The following IRS4 variants were observed in gnomAD, a reference collection of about 807,000 sequenced individuals.
IRS4 encodes insulin receptor substrate 4, also known as 160 kDa phosphotyrosine protein.
In IRS4, 15 loss-of-function variants were observed where a neutral mutation model predicts 48.6. That is an observed-to-expected ratio of 0.31 (90% confidence interval 0.21 to 0.48). The LOEUF (loss-of-function observed/expected upper bound fraction) is 0.48, where lower values mean the gene tolerates loss of function less well. Among genes scored for constraint, IRS4 ranks in the 20% least tolerant of loss-of-function variants. The probability of loss-of-function intolerance (pLI) is 0.99; values close to 1 mark genes in which losing one functional copy is unlikely to be tolerated. For missense variants in IRS4, 987 were observed against 1,023.4 expected, an observed-to-expected ratio of 0.96 and a Z score of 0.49; for synonymous variants, 459 against 413.2, an observed-to-expected ratio of 1.11 and a Z score of -1.34.
chrX:108,724,687 C>T (rs2068867170), intron 1 of IRS4: 1 of 111,893 alleles, frequency 8.9e-6, no homozygotes, highest in South Asian at 3.7e-4. Context: ...AAAAGTCATA[C>T]CTTAGATTTG....
Position 108,735,503 on chromosome X carries a change from C to T in IRS4, c.842G>A (p.Ser281Asn). ...EVASVVVQLL[S>N]IRRCGHSEQY... ...CTCCGAGTGTCCACAGCGACGGATGCTCAGGAGCTGGACGACCACGCTGGC... is the reference window on the plus strand; with the variant it reads ...CTCCGAGTGTCCACAGCGACGGATGTTCAGGAGCTGGACGACCACGCTGGC... Residue 281 changes from serine to asparagine, a missense_variant, in exon 1 of 2, where the codon AGC becomes AAC. Physicochemically the swap from Ser to Asn is conservative, Grantham distance 46. Coordinates refer to ENST00000372129, the MANE Select transcript of IRS4 (RefSeq NM_001379150.1). 1 of 1,211,030 alleles carries T rather than the reference C, an allele frequency of 8.3e-7. No homozygotes were observed. The highest frequency in any genetic ancestry group is 1.8e-5 in the South Asian group (1 of 56,942).
intron 1 of IRS4, chrX:108,726,916 G>T (rs1469050439): frequency 1.8e-5 from 2 of 112,192 alleles, no homozygotes; most frequent in Non-Finnish European, 3.8e-5. Context: ...TACAAGGAAG[G>T]TTGCCTCTGC....
chrX:108,734,950 A>G lies in IRS4; in HGVS notation c.1395T>C (p.Ser465=), dbSNP rs769775639. ...RLSSEVSGSG[S]GNFGEEGNPQ... ...GATTGCCTTCCTCCCCAAAGTTGCC[A>G]GAGCCAGAACCAGACACTTCAGAAG... Residue 465 remains serine (S), a synonymous_variant, in exon 1 of 2, where the codon TCT becomes TCC. Coordinates refer to ENST00000372129, the MANE Select transcript of IRS4 (RefSeq NM_001379150.1). 7.4e-6 allele frequency: 9 copies of G among 1,212,054 alleles called. No individual in the cohort carries two copies. In the Admixed American group the frequency reaches 2.0e-4, roughly 26 times the overall value.
Position 108,736,497 on chromosome X carries a change from G to T in IRS4, c.-153C>A. On this transcript the variant is annotated 5_prime_UTR_variant, in exon 1 of 2. The change creates a new upstream start codon in the 5' untranslated region. Transcript: ENST00000372129. ...CCCACTCCACTCTGAGCGCACGACA[G>T]CGGGCAAAACAACACGTGACCACAG... 5.3e-6 allele frequency: 5 copies of T among 946,392 alleles called. No homozygotes were observed. The highest frequency in any genetic ancestry group is 2.4e-5 in the South Asian group (1 of 41,882). 78.0% of individuals were successfully genotyped at this position (946,392 alleles called of 1,213,427 possible). A position where few individuals can be genotyped will look rare whatever the true frequency, so the allele number is the denominator to read the frequency against.
chrX:108,730,670 C>T (rs1047394750), intron 1 of IRS4, among the ~76,000 whole-genome samples: 1 of 111,777 alleles, frequency 8.9e-6, no homozygotes, highest in African/African-American at 3.2e-5. Flanking sequence ...GCTACAAAGT[C>T]ATAAATCAGG....
At chrX:108,732,459 T>C in intron 1 of IRS4, 120 bp downstream of exon 1, 2 of 1,151,669 alleles carry the variant, frequency 1.7e-6, no homozygotes. Flanking sequence ...CTGAATTCTA[T>C]ACTCCATGTC....
At position 108,732,930 on chromosome X, in the gene IRS4, C is replaced by A. The variant is rs757680818; in HGVS notation, c.3415G>T (p.Ala1139Ser). 2.5e-6 allele frequency: 3 copies of A among 1,183,880 alleles called. No homozygotes were observed. The highest frequency in any genetic ancestry group is 6.0e-5 in the East Asian group (2 of 33,407). ...CCGATGCCCGGGGCTGCGGCGAGCGCGGAGGCCGCAGCTACAACTTGGCTG... is the reference window on the plus strand; with the variant it reads ...CCGATGCCCGGGGCTGCGGCGAGCGAGGAGGCCGCAGCTACAACTTGGCTG... ...ALSQVVAAAS[A>S]LAAAPGIGAA... The change falls in exon 1 of 2, where the codon GCG (alanine) becomes TCG (serine). Residue 1139 changes from alanine (A) to serine (S), a missense_variant. Physicochemically the swap from Ala to Ser is moderately conservative, Grantham distance 99. Around this residue, in one of 4 missense-constraint regions of IRS4, gnomAD observed 720 missense variants for 660.3 expected, o/e 1.09. Transcript: ENST00000372129.
In IRS4 at chrX:108,736,309, T is replaced by G; in HGVS notation, c.36A>C (p.Thr12=). 8.3e-7 allele frequency: 1 copy of G among 1,211,338 alleles called. No individual in the cohort carries two copies. The highest frequency in any genetic ancestry group is 1.7e-5 in the African/African-American group (1 of 57,755). The change falls in exon 1 of 2, where the codon ACA becomes ACC. Residue 12 remains threonine (T), a synonymous_variant. Coordinates refer to ENST00000372129, the MANE Select transcript of IRS4 (RefSeq NM_001379150.1). ...CCGCTGCTGCACCTCTTAGTCTTCT[T>G]GTCGCTTGGTCGCGAGTGAAGGAGC... is the stretch of plus-strand genomic sequence containing the variant. ...ASCSFTRDQA[T]RRLRGAAAAA...
intron 1 of IRS4, chrX:108,726,305 T>C (rs1293671701): frequency 8.9e-6 from 1 of 111,935 alleles, no homozygotes; most frequent in Non-Finnish European, 1.9e-5. Context: ...TGAGGGAAGA[T>C]GTATGTGAAG....
At chrX:108,732,267 T>C (rs1212458704) in intron 1 of IRS4, among the ~76,000 whole-genome samples, 1 of 112,538 alleles carries the variant, frequency 8.9e-6, no homozygotes, top group Non-Finnish European at 1.9e-5. Flanking sequence ...CTTTACATTA[T>C]CATTAAATGA....
rs928813829 is a variant in IRS4 at position 108,732,580 on chromosome X, T to G, written c.3765A>C (p.Arg1255Ser). Residue 1255 changes from arginine to serine, a missense_variant and splice_region_variant, in exon 1 of 2, where the codon AGA becomes AGC. Physicochemically the swap from Arg to Ser is moderately radical, Grantham distance 110. This residue lies in a region of IRS4 where 720 missense variants were observed against 660.3 expected (regional missense o/e 1.09). Transcript: ENST00000372129. Reference sequence around the variant, plus strand: ...GAAATTAATTCTAAAATTACCGACCTCTTTTGGGAGAGTCGAACTGATTAT... The same window carrying G: ...GAAATTAATTCTAAAATTACCGACCGCTTTTGGGAGAGTCGAACTGATTAT... ...RRDNQFDSPK[R>S]E 1 of 1,210,667 alleles carries G rather than the reference T, an allele frequency of 8.3e-7. No individual in the cohort carries two copies. Among genetic ancestry groups the G allele is most frequent in the African/African-American group, 1.7e-5 (1 of 57,712 alleles).
chrX:108,730,888 C>T (rs950332784), intron 1 of IRS4, among the ~76,000 whole-genome samples: 3 of 112,118 alleles, frequency 2.7e-5, no homozygotes, highest in African/African-American at 9.7e-5. Context: ...AATAGTTAGA[C>T]TCAAACAATA....
chrX:108,734,478 T>C lies in IRS4; in HGVS notation c.1867A>G (p.Lys623Glu). Residue 623 changes from lysine (K) to glutamate (E), a missense_variant, in exon 1 of 2, where the codon AAG becomes GAG. By Grantham distance (56) the Lys-to-Glu change is moderately conservative. Coordinates refer to ENST00000372129, the MANE Select transcript of IRS4 (RefSeq NM_001379150.1). ...GGAGGTGGTGGCATTTGCTGTTGCT[T>C]GCTTTGAGTTAATTTGCCAAAATAG... ...RSYFGKLTQS[K>E]QQQMPPPPPP... The C allele has an allele frequency of 1.7e-6, 2 of 1,211,527 alleles. No individual in the cohort carries two copies. The highest frequency in any genetic ancestry group is 2.2e-6 in the Non-Finnish European group (2 of 895,492).
At chrX:108,726,716 C>T (rs2068877744) in intron 1 of IRS4, 1 of 111,922 alleles carries the variant, frequency 8.9e-6, no homozygotes, top group African/African-American at 3.2e-5. Flanking sequence ...TATAAATTGT[C>T]AAAACTAGCT....
At position 108,736,561 on chromosome X, in the gene IRS4, A is replaced by C; in HGVS notation, c.-217T>G. Reference sequence around the variant, plus strand: ...CCGCTGCGGATCCTGCTACCGGCGCAATGGAGGGGCGCGAGCGGCCACCAG... The same window carrying C: ...CCGCTGCGGATCCTGCTACCGGCGCCATGGAGGGGCGCGAGCGGCCACCAG... On this transcript the variant is annotated 5_prime_UTR_variant, in exon 1 of 2. It adds an upstream start codon to the 5' untranslated region. Transcript: ENST00000372129. 1.8e-6 allele frequency: 1 copy of C among 570,651 alleles called. No individual in the cohort carries two copies. Among genetic ancestry groups the C allele is most frequent in the Non-Finnish European group, 2.7e-6 (1 of 365,052 alleles). The allele number at this position is 570,651 out of a possible 1,213,427, so 47.0% of individuals were successfully genotyped here.
At chrX:108,724,726 C>T (rs1189459104) in intron 1 of IRS4, 2 of 111,962 alleles carry the variant, frequency 1.8e-5, no homozygotes, top group Non-Finnish European at 3.8e-5. Context: ...GTGATTTCAC[C>T]ATCAGCAAGG....
rs1190770111 is a variant in IRS4 at position 108,733,602 on chromosome X, C to T, written c.2743G>A (p.Ala915Thr). 4 of 1,210,493 alleles carry T rather than the reference C, an allele frequency of 3.3e-6. No homozygotes were observed. In the Admixed American group the frequency reaches 8.7e-5, roughly 26 times the overall value. ...TTGACGTAGTCACTAGAGCTGTCAG[C>T]TTCTCTCTGCTCATGTGTGGGCTTT... ...PQKPTHEQRE[A>T]DSSSDYVNMD... Residue 915 changes from alanine to threonine, a missense_variant, in exon 1 of 2, where the codon GCT becomes ACT. Physicochemically the swap from Ala to Thr is moderately conservative, Grantham distance 58. Coordinates refer to ENST00000372129, the MANE Select transcript of IRS4 (RefSeq NM_001379150.1).
In IRS4 at chrX:108,734,211, C is replaced by T; in HGVS notation, c.2134G>A (p.Val712Ile). The change falls in exon 1 of 2, where the codon GTA (valine) becomes ATA (isoleucine). Residue 712 changes from valine (V) to isoleucine (I), a missense_variant. Val to Ile is a conservative substitution (Grantham distance 29). This residue lies in a region of IRS4 where 720 missense variants were observed against 660.3 expected (regional missense o/e 1.09). Transcript: ENST00000372129. ...ATTGGCATATAATCACTGGAGCTTA[C>T]AAGAGGGGTGGCCACCCCTGGCCTC... ...PMRPGVATPL[V>I]SSSDYMPMAP... 8.3e-7 allele frequency: 1 copy of T among 1,211,230 alleles called. No homozygotes were observed. The highest frequency in any genetic ancestry group is 1.1e-6 in the Non-Finnish European group (1 of 895,396).
chrX:108,730,900 A>C (rs139218055), intron 1 of IRS4, among the ~76,000 whole-genome samples: 1,858 of 112,242 alleles, frequency 0.017, 35 homozygotes, highest in African/African-American at 0.054. Flanking sequence ...CAAACAATAG[A>C]TTGAGATCAA....
Sources: gnomAD v4.1 joint callset for allele counts (sites outside exome capture counted in the v4.1 genomes callset) on GRCh38, gnomAD v4.1.1 for gene constraint, gnomAD v4.1.1 regional missense constraint, MANE v1.5 for transcripts, NCBI Gene and HGNC (gene_info 2026-07-23, HGNC 2026-07-21) for gene names.